HFM1: variants seen among roughly 807,000 people sequenced by gnomAD.
HFM1 encodes helicase for meiosis 1.
A neutral mutation model predicts 192.1 loss-of-function variants in HFM1; 169 were observed. The observed-to-expected ratio is 0.88, with a 90% CI of 0.78 to 1.00. The LOEUF is 1.00. Among genes scored for constraint, HFM1 ranks in the 50% least tolerant of loss-of-function variants. The pLI, the probability that HFM1 is intolerant of heterozygous loss-of-function variation, is 0.00. For missense variants in HFM1, 1,661 were observed against 1,668.0 expected (o/e 1.00, Z 0.07); for synonymous variants, 525 against 537.8 (o/e 0.98, Z 0.33).
At chr1:91,289,244 C>A (rs536683112) in intron 30 of HFM1, among the ~76,000 whole-genome samples, 1 of 150,724 alleles carries the variant, frequency 6.6e-6, no homozygotes, top group Non-Finnish European at 1.5e-5. Context: ...CGGACAGAGG[C>A]GCTCTTCACA....
At chr1:91,338,291 C>T (rs1393976246) in intron 20 of HFM1, among the ~76,000 whole-genome samples, 1 of 152,178 alleles carries the variant, frequency 6.6e-6, no homozygotes, top group Non-Finnish European at 1.5e-5. Flanking sequence ...GAATGCCAAT[C>T]CCCCAAGGCC....
In HFM1 at chr1:91,345,414, C is replaced by T. The variant is rs1276168691; in HGVS notation, c.2255-1904G>A. On this transcript the variant is annotated intron_variant, in intron 19 of 38. Coordinates refer to ENST00000370425, the MANE Select transcript of HFM1 (RefSeq NM_001017975.6). Reference sequence around the variant, plus strand: ...TAAGAGATGTAGTTAGAGAAATAGGCAGGGAGATATCAAGCAGGATTTTGT... The same window carrying T: ...TAAGAGATGTAGTTAGAGAAATAGGTAGGGAGATATCAAGCAGGATTTTGT... 2.6e-5 allele frequency among the ~76,000 whole-genome samples: 4 copies of T among 152,048 alleles called. 1 individual carries two copies.
chr1:91,383,450 A>G (rs892386995), intron 6 of HFM1, among the ~76,000 whole-genome samples: 3 of 152,162 alleles, frequency 2.0e-5, no homozygotes, highest in African/African-American at 2.4e-5. Flanking sequence ...TATAGTTACT[A>G]TATCAACATG....
chr1:91,316,470 G>A lies in HFM1; in HGVS notation c.2819C>T (p.Thr940Ile), dbSNP rs147392516. Residue 940 changes from threonine (T) to isoleucine (I), a missense_variant, in exon 26 of 39, where the codon ACA becomes ATA. Transcript: ENST00000370425. ...AGCATTTACGATTGCATTTGACAAT[G>A]TTATACCTGTGGAAAATTAATCAAA... ...VSKQLEKIGI[T>I]LSNAIVNAGL... 1.2e-5 allele frequency: 17 copies of A among 1,463,296 alleles called. No individual in the cohort carries two copies. The highest frequency in any genetic ancestry group is 3.5e-4 in the Middle Eastern group (2 of 5,662). The allele number at this position is 1,463,296 out of a possible 1,614,324, so 90.6% of individuals were successfully genotyped here.
chr1:91,320,719 G>T (rs1376763463), intron 23 of HFM1, among the ~76,000 whole-genome samples: 1 of 152,042 alleles, frequency 6.6e-6, no homozygotes, highest in Non-Finnish European at 1.5e-5. Context: ...ACCATGGCAG[G>T]GCTCTCTGTT....
chr1:91,328,097 GAAGAA>G (rs1242367298), intron 20 of HFM1, among the ~76,000 whole-genome samples: 4 of 151,960 alleles, frequency 2.6e-5, no homozygotes, highest in East Asian at 1.9e-4. Context: ...AAAATTAGTA[GAAGAA>G]AAGAAATAAT....
At chr1:91,399,249 A>G (rs1664026902) in intron 2 of HFM1, among the ~76,000 whole-genome samples, 1 of 152,162 alleles carries the variant, frequency 6.6e-6, no homozygotes, top group Non-Finnish European at 1.5e-5. Context: ...GAGGGAACCT[A>G]TAATATGTAT....
chr1:91,303,049 A>G (rs986251909), intron 30 of HFM1, among the ~76,000 whole-genome samples: 4 of 152,214 alleles, frequency 2.6e-5, no homozygotes, highest in Admixed American at 6.5e-5. Context: ...TCACATTTTT[A>G]AACTGTACAA....
chr1:91,350,835 C>G lies in HFM1; in HGVS notation c.2109G>C (p.Glu703Asp). 6.3e-7 allele frequency: 1 copy of G among 1,593,332 alleles called. No individual in the cohort carries two copies. Reference protein sequence around the residue: ...HRHLIEHLNAEIVLHTITDVN... With the variant: ...HRHLIEHLNADIVLHTITDVN... Reference sequence around the variant, plus strand: ...CATCCGTGATGGTATGCAGTACTATCTCTGCATTTAAATGTTCAATAAGAT... The same window carrying G: ...CATCCGTGATGGTATGCAGTACTATGTCTGCATTTAAATGTTCAATAAGAT... Residue 703 changes from glutamate to aspartate, a missense_variant, in exon 18 of 39, where the codon GAG becomes GAC. Transcript: ENST00000370425.
chr1:91,325,874 T>C (rs997313517), intron 20 of HFM1, among the ~76,000 whole-genome samples: 5 of 152,056 alleles, frequency 3.3e-5, no homozygotes, highest in Non-Finnish European at 5.9e-5. Flanking sequence ...AGAGAAAGGA[T>C]TCAGAATTCT....
At chr1:91,300,099 G>T (rs1383265497) in intron 30 of HFM1, among the ~76,000 whole-genome samples, 1 of 152,042 alleles carries the variant, frequency 6.6e-6, no homozygotes, top group African/African-American at 2.4e-5. Flanking sequence ...TGATAAAGGG[G>T]ATATCACCAC....
intron 3 of HFM1, 62 bp from the exon 4 acceptor site, chr1:91,394,464 T>C (rs543902521): frequency 9.9e-7 from 1 of 1,010,850 alleles, no homozygotes; most frequent in African/African-American, 1.6e-5. Context: ...TTCAAAATGA[T>C]GATGAAAAAC....
chr1:91,364,457 G>A (rs552845084), intron 13 of HFM1, among the ~76,000 whole-genome samples: 1 of 151,298 alleles, frequency 6.6e-6, no homozygotes, highest in African/African-American at 2.4e-5. Context: ...CCAAAGAAGA[G>A]ATCATTACCT....
intron 23 of HFM1, among the ~76,000 whole-genome samples, chr1:91,321,153 A>C (rs749052712): frequency 3.9e-5 from 6 of 152,194 alleles, no homozygotes; most frequent in Non-Finnish European, 8.8e-5. Flanking sequence ...TTAAATTAAA[A>C]GGGCAGAGCC....
chr1:91,300,120 G>C (rs548422147), intron 30 of HFM1, among the ~76,000 whole-genome samples: 2 of 152,250 alleles, frequency 1.3e-5, no homozygotes, highest in Admixed American at 6.5e-5. Flanking sequence ...CGATCCCACA[G>C]AAATACAAAC....
At chr1:91,353,476 T>G (rs746415778) in intron 13 of HFM1, among the ~76,000 whole-genome samples, 177 bp from the exon 14 acceptor site, 1 of 151,720 alleles carries the variant, frequency 6.6e-6, no homozygotes, top group Admixed American at 6.6e-5. Context: ...CCTAAACTTA[T>G]GAGCTACAAT....
intron 30 of HFM1, among the ~76,000 whole-genome samples, chr1:91,290,377 C>CA (rs1557789676): frequency 2.0e-5 from 3 of 151,628 alleles, no homozygotes; most frequent in South Asian, 4.2e-4. Context: ...AAATGGAAAA[C>CA]AAAAAAAGGC....
intron 4 of HFM1, among the ~76,000 whole-genome samples, chr1:91,393,281 C>T (rs1663235329): frequency 6.6e-6 from 1 of 152,070 alleles, no homozygotes; most frequent in Non-Finnish European, 1.5e-5. Context: ...CACTTTCTCT[C>T]TCAAACTCCA....
In HFM1 at chr1:91,375,609, G is replaced by C; in HGVS notation, c.1514C>G (p.Thr505Ser). 2 of 1,613,442 alleles carry C rather than the reference G, an allele frequency of 1.2e-6. No homozygotes were observed. The highest frequency in any genetic ancestry group is 4.5e-5 in the East Asian group (2 of 44,852). The change falls in exon 12 of 39, where the codon ACT becomes AGT. Residue 505 changes from threonine (T) to serine (S), a missense_variant. Physicochemically the swap from Thr to Ser is moderately conservative, Grantham distance 58. Coordinates refer to ENST00000370425, the MANE Select transcript of HFM1 (RefSeq NM_001017975.6). ...GAGGGTTAAATCAAACTTAAACTCAGTTTGGTTACTACTGCAGGGAAATCC... is the reference window on the plus strand; with the variant it reads ...GAGGGTTAAATCAAACTTAAACTCACTTTGGTTACTACTGCAGGGAAATCC... Reference protein sequence around the residue: ...VLGFPCSSNQTEFKFDLTLNY... With the variant: ...VLGFPCSSNQSEFKFDLTLNY...
Sources: allele counts gnomAD v4.1 joint callset (sites outside exome capture counted in the v4.1 genomes callset), GRCh38; gene constraint gnomAD v4.1.1; transcripts MANE v1.5; gene names NCBI Gene and HGNC (gene_info 2026-07-23, HGNC 2026-07-21).